FSTL4: variants seen among roughly 807,000 people sequenced by gnomAD.
FSTL4 encodes follistatin-related protein 4.
Under a neutral mutation model 78.2 loss-of-function variants are expected in FSTL4, and 28 were observed. That is an observed-to-expected ratio of 0.36 (90% confidence interval 0.27 to 0.49). The LOEUF (loss-of-function observed/expected upper bound fraction) is 0.49, where lower values mean the gene tolerates loss of function less well. Among genes scored for constraint, FSTL4 ranks in the 20% least tolerant of loss-of-function variants. The probability of loss-of-function intolerance (pLI) is 0.98; values close to 1 mark genes in which losing one functional copy is unlikely to be tolerated. For missense variants in FSTL4, 922 were observed against 1,084.9 expected (o/e 0.85, Z 2.11); for synonymous variants, 422 against 440.5 (o/e 0.96, Z 0.53).
At chr5:133,434,308 C>T (rs766556110) in intron 3 of FSTL4, among the ~76,000 whole-genome samples, 1 of 152,182 alleles carries the variant, frequency 6.6e-6, no homozygotes, top group African/African-American at 2.4e-5. Flanking sequence ...GAGAGAATAA[C>T]TCCACATTTT....
chr5:133,296,211 T>C (rs1225707609), intron 6 of FSTL4, among the ~76,000 whole-genome samples: 1 of 152,148 alleles, frequency 6.6e-6, no homozygotes, highest in Non-Finnish European at 1.5e-5. Flanking sequence ...CACATGCAAC[T>C]CATCAGCAAA....
the FSTL4 span, among the ~76,000 whole-genome samples, chr5:133,731,312 T>C: frequency 6.6e-6 from 1 of 152,186 alleles, no homozygotes; most frequent in Non-Finnish European, 1.5e-5. Context: ...GCAAGTCATC[T>C]ACACTCTGGA....
At chr5:133,314,448 C>T (rs548453819) in intron 5 of FSTL4, among the ~76,000 whole-genome samples, 309 of 152,346 alleles carry the variant, frequency 2.0e-3, no homozygotes, top group Non-Finnish European at 3.8e-3. Context: ...TCCCAACGTG[C>T]TTCCTGAAAG....
intron 2 of FSTL4, among the ~76,000 whole-genome samples, chr5:133,591,275 A>G (rs1352210293): frequency 6.6e-6 from 1 of 152,182 alleles, no homozygotes; most frequent in Non-Finnish European, 1.5e-5. Flanking sequence ...TGCTGACAAG[A>G]CAGGGAGAGG....
In FSTL4 at chr5:133,299,965, T is replaced by C. The variant is rs537951280; in HGVS notation, c.727+12689A>G. Among the ~76,000 whole-genome samples the C allele has an allele frequency of 2.6e-5, 4 of 152,282 alleles. No individual in the cohort carries two copies. In the South Asian group the frequency reaches 8.3e-4, roughly 32 times the overall value. ...AAGGTGTGGCCACTATTGCTCCTTT[T>C]CCAAAGCCCCACCTTCCTCACAGCT... On this transcript the variant is annotated intron_variant, in intron 6 of 15. Coordinates refer to ENST00000265342, the MANE Select transcript of FSTL4 (RefSeq NM_015082.2).
chr5:133,812,328 C>A, the FSTL4 span, among the ~76,000 whole-genome samples: 1 of 152,192 alleles, frequency 6.6e-6, no homozygotes, highest in Non-Finnish European at 1.5e-5. Flanking sequence ...TGAAACCCTG[C>A]AGGGTTCCCA....
At chr5:133,800,273 A>T in the FSTL4 span, among the ~76,000 whole-genome samples, 188 of 138,006 alleles carry the variant, frequency 1.4e-3, 29 homozygotes, top group African/African-American at 4.9e-3. Flanking sequence ...CAGGGAGGGG[A>T]CAGGGAGGAA....
intron 3 of FSTL4, among the ~76,000 whole-genome samples, chr5:133,533,058 C>T (rs1440410221): frequency 2.0e-5 from 3 of 152,160 alleles, no homozygotes; most frequent in Non-Finnish European, 4.4e-5. Context: ...GTGGATTCTA[C>T]GAGTTTATGC....
intron 6 of FSTL4, among the ~76,000 whole-genome samples, chr5:133,287,311 C>T (rs1267777934): frequency 6.6e-6 from 1 of 151,648 alleles, no homozygotes; most frequent in Non-Finnish European, 1.5e-5. Flanking sequence ...TGGCATGAAC[C>T]CAGGAGGTGG....
At chr5:133,566,428 G>T (rs1760027746) in intron 3 of FSTL4, among the ~76,000 whole-genome samples, 1 of 152,132 alleles carries the variant, frequency 6.6e-6, no homozygotes, top group African/African-American at 2.4e-5. Flanking sequence ...GAAGGATGTG[G>T]TGAAGGGTAA....
chr5:133,568,615 G>C (rs1281056260), intron 2 of FSTL4, among the ~76,000 whole-genome samples: 15 of 152,176 alleles, frequency 9.9e-5, no homozygotes, highest in Non-Finnish European at 2.9e-5. Context: ...GTTCCTGAAG[G>C]AGTACTCATC....
intron 2 of FSTL4, among the ~76,000 whole-genome samples, chr5:133,573,635 T>A (rs1760209569): frequency 6.6e-6 from 1 of 152,122 alleles, no homozygotes; most frequent in Non-Finnish European, 1.5e-5. Flanking sequence ...TTGGAAAATT[T>A]AAAAAATCTC....
chr5:133,324,405 A>C lies in FSTL4; in HGVS notation c.410-7753T>G, dbSNP rs1047632273. On this transcript the variant is annotated intron_variant, in intron 4 of 15. Transcript: ENST00000265342. Reference sequence around the variant, plus strand: ...CACCTGCATGGTGGTGGGGCGGGAAAGTGGGCTCTCTCTTGCTGCCCCGTC... The same window carrying C: ...CACCTGCATGGTGGTGGGGCGGGAACGTGGGCTCTCTCTTGCTGCCCCGTC... 4.6e-5 allele frequency among the ~76,000 whole-genome samples: 7 copies of C among 152,312 alleles called. No homozygotes were observed. The South Asian group carries it at 1.4e-3, about 32-fold the overall frequency.
chr5:133,610,398 T>C (rs1390042575), intron 1 of FSTL4, among the ~76,000 whole-genome samples: 1 of 152,248 alleles, frequency 6.6e-6, no homozygotes, highest in African/African-American at 2.4e-5. Flanking sequence ...GACTATTTTC[T>C]TATGTGAACT....
At position 133,213,929 on chromosome 5, in the gene FSTL4, C is replaced by T. The variant is rs140544771; in HGVS notation, c.1608+3300G>A. On this transcript the variant is annotated intron_variant, in intron 13 of 15. Transcript: ENST00000265342. The stretch of plus-strand genomic sequence containing the variant: ...AGGGAACAATTATACCATGAGAAAA[C>T]GAATTAAAATAAATCTGATTTAGCT... Among the ~76,000 whole-genome samples the T allele has an allele frequency of 1.9e-3, 290 of 152,022 alleles. 2 individuals carry two copies. The highest frequency in any genetic ancestry group is 6.3e-3 in the African/African-American group (261 of 41,474).
At chr5:133,233,316 ATTTC>A in intron 8 of FSTL4, 97 bp downstream of exon 8, 3 of 1,313,102 alleles carry the variant, frequency 2.3e-6, no homozygotes, top group Non-Finnish European at 3.2e-6. Context: ...GGGGTTAGAT[ATTTC>A]TTTAAGAAGA....
the FSTL4 span, among the ~76,000 whole-genome samples, chr5:133,783,634 A>G: frequency 5.3e-5 from 8 of 152,130 alleles, no homozygotes; most frequent in Non-Finnish European, 1.0e-4. Flanking sequence ...GGAAAGTCCA[A>G]GTTCTCTTTG....
the FSTL4 span, among the ~76,000 whole-genome samples, chr5:133,808,872 C>A: frequency 6.7e-6 from 1 of 149,574 alleles, no homozygotes; most frequent in South Asian, 2.2e-4. Flanking sequence ...CCCCCCACCG[C>A]CCCCGCACAC....
At chr5:133,728,532 C>G in the FSTL4 span, among the ~76,000 whole-genome samples, 1 of 152,194 alleles carries the variant, frequency 6.6e-6, no homozygotes, top group Non-Finnish European at 1.5e-5. Flanking sequence ...AAGACACCTC[C>G]AAATCAAGGG....
Sources: gnomAD v4.1 joint callset for allele counts (sites outside exome capture counted in the v4.1 genomes callset) on GRCh38, gnomAD v4.1.1 for gene constraint, MANE v1.5 for transcripts, NCBI Gene and HGNC (gene_info 2026-07-23, HGNC 2026-07-21) for gene names.